Variants in PLEK2 observed in about 807,000 individuals in gnomAD.
The protein encoded by PLEK2 is pleckstrin-2.
In PLEK2, 29 loss-of-function variants were observed where a neutral mutation model predicts 43.8. The observed-to-expected ratio is 0.66, with a 90% CI of 0.49 to 0.90. The LOEUF is 0.90. Ranked by LOEUF, PLEK2 falls within the 40% of genes least tolerant of loss-of-function variation. PLEK2 has a pLI of 0.00. For missense variants in PLEK2, 398 were observed against 448.1 expected, an observed-to-expected ratio of 0.89 and a Z score of 1.01; for synonymous variants, 162 against 173.2, an observed-to-expected ratio of 0.94 and a Z score of 0.51.
chr14:67,407,178 G>A (rs1345311394), intron 1 of PLEK2, among the ~76,000 whole-genome samples: 4 of 152,014 alleles, frequency 2.6e-5, no homozygotes, highest in Non-Finnish European at 5.9e-5. Flanking sequence ...CTAGAGTGCT[G>A]TGGTGCGATC....
chr14:67,399,566 G>C (rs1290134430), intron 1 of PLEK2, among the ~76,000 whole-genome samples: 3 of 141,728 alleles, frequency 2.1e-5, no homozygotes, highest in South Asian at 4.7e-4. Context: ...TTAGGTGGCT[G>C]TCAGGTGGCA....
At chr14:67,402,400 A>G (rs2086054518) in intron 1 of PLEK2, among the ~76,000 whole-genome samples, 1 of 152,200 alleles carries the variant, frequency 6.6e-6, no homozygotes, top group Non-Finnish European at 1.5e-5. Context: ...CATCCCCTCA[A>G]GCATTTATCC....
At chr14:67,391,542 A>G (rs1380647877) in intron 6 of PLEK2, among the ~76,000 whole-genome samples, 4 of 152,170 alleles carry the variant, frequency 2.6e-5, no homozygotes, top group Non-Finnish European at 4.4e-5. Context: ...ATATGCAGGA[A>G]GCAGGTGACA....
chr14:67,405,622 G>C (rs1041280234), intron 1 of PLEK2, among the ~76,000 whole-genome samples: 5 of 152,116 alleles, frequency 3.3e-5, no homozygotes, highest in Non-Finnish European at 5.9e-5. Flanking sequence ...GCAGAGTGAT[G>C]GTATCCCAAT....
intron 3 of PLEK2, 80 bp downstream of exon 3, chr14:67,395,322 C>T (rs577829383): frequency 7.9e-7 from 1 of 1,260,396 alleles, no homozygotes; most frequent in Non-Finnish European, 1.1e-6. Context: ...AGCACAGAGC[C>T]CCCCCAAGGG....
At chr14:67,389,253 A>AT (rs2085949891) in intron 7 of PLEK2, among the ~76,000 whole-genome samples, 2 of 152,078 alleles carry the variant, frequency 1.3e-5, no homozygotes, top group African/African-American at 4.8e-5. Flanking sequence ...GTACTACTAA[A>AT]TGCCAACGGG....
At chr14:67,396,293 G>A (rs1392333069) in intron 2 of PLEK2, among the ~76,000 whole-genome samples, 8 of 151,350 alleles carry the variant, frequency 5.3e-5, no homozygotes, top group Non-Finnish European at 5.9e-5. Context: ...GACTACAGAC[G>A]CCCACCACCC....
intron 7 of PLEK2, 67 bp downstream of exon 7, chr14:67,390,596 T>C (rs955431382): frequency 1.8e-6 from 2 of 1,121,358 alleles, no homozygotes; most frequent in African/African-American, 1.5e-5. Flanking sequence ...CTGCCCGCCA[T>C]GCCAGGAGAG....
At chr14:67,411,426 G>A (rs766612640) in intron 1 of PLEK2, among the ~76,000 whole-genome samples, 3 of 152,092 alleles carry the variant, frequency 2.0e-5, no homozygotes, top group Non-Finnish European at 4.4e-5. Context: ...AGTACCCACC[G>A]TGTATGGCAC....
chr14:67,396,755 G>A (rs1322539978), intron 2 of PLEK2, among the ~76,000 whole-genome samples: 1 of 152,204 alleles, frequency 6.6e-6, no homozygotes, highest in African/African-American at 2.4e-5. Context: ...AGGGATAAAG[G>A]GTTTTCTGCA....
chr14:67,398,451 CACCT>C (rs1291472928), intron 1 of PLEK2, among the ~76,000 whole-genome samples: 1 of 152,184 alleles, frequency 6.6e-6, no homozygotes, highest in African/African-American at 2.4e-5. Context: ...CTCTACCACC[CACCT>C]GAGAGCCACC....
At chr14:67,397,640 G>A in intron 2 of PLEK2, 22 bp downstream of exon 2, 1 of 1,596,672 alleles carries the variant, frequency 6.3e-7, no homozygotes, top group Non-Finnish European at 8.5e-7. Flanking sequence ...AGAGGAGCTG[G>A]ACAGCAGGGG....
chr14:67,409,868 A>G (rs1479095513), intron 1 of PLEK2, among the ~76,000 whole-genome samples: 1 of 152,078 alleles, frequency 6.6e-6, no homozygotes, highest in African/African-American at 2.4e-5. Flanking sequence ...GCCATCTAAG[A>G]GTAGAGGGGA....
At chr14:67,407,311 T>G (rs1566631832) in intron 1 of PLEK2, among the ~76,000 whole-genome samples, 1 of 151,876 alleles carries the variant, frequency 6.6e-6, no homozygotes, top group African/African-American at 2.4e-5. Context: ...TTAGTAGAGA[T>G]GGGGTTTCAC....
chr14:67,390,568 G>A, intron 7 of PLEK2, 95 bp downstream of exon 7: 1 of 868,090 alleles, frequency 1.2e-6, no homozygotes, highest in Non-Finnish European at 2.0e-6. Context: ...GCCAGGGGAA[G>A]GCAGGATATC....
At chr14:67,392,997 C>T (rs1156544435) in intron 4 of PLEK2, 148 bp from the exon 5 acceptor site, 12 of 859,484 alleles carry the variant, frequency 1.4e-5, no homozygotes, top group East Asian at 2.5e-5. Context: ...TGCATAGAGC[C>T]GTGGCTGCAC....
At chr14:67,407,961 G>A (rs1452643014) in intron 1 of PLEK2, among the ~76,000 whole-genome samples, 3 of 152,112 alleles carry the variant, frequency 2.0e-5, no homozygotes, top group African/African-American at 7.2e-5. Flanking sequence ...TCCAGCCTGG[G>A]TAACATACTG....
At chr14:67,389,651 T>G (rs2085952844) in intron 7 of PLEK2, among the ~76,000 whole-genome samples, 1 of 152,056 alleles carries the variant, frequency 6.6e-6, no homozygotes, top group African/African-American at 2.4e-5. Context: ...CACGTATGTG[T>G]GTGTATATAT....
intron 2 of PLEK2, among the ~76,000 whole-genome samples, chr14:67,397,095 C>A (rs917550620): frequency 6.6e-6 from 1 of 152,110 alleles, no homozygotes; most frequent in African/African-American, 2.4e-5. Context: ...ACTGCGACCA[C>A]GCTCAGCTAG....
Sources: gnomAD v4.1 joint callset for allele counts (sites outside exome capture counted in the v4.1 genomes callset) on GRCh38, gnomAD v4.1.1 for gene constraint, MANE v1.5 for transcripts, NCBI Gene and HGNC (gene_info 2026-07-23, HGNC 2026-07-21) for gene names.